The following MCIDAS variants were observed in gnomAD, a reference collection of about 807,000 sequenced individuals.
MCIDAS encodes the protein multicilin.
Under a neutral mutation model 35.4 loss-of-function variants are expected in MCIDAS, and 23 were observed. That is an observed-to-expected ratio of 0.65 (90% CI 0.47 to 0.92). The LOEUF is 0.92. MCIDAS is among the 40% of genes least tolerant of loss of function. The pLI, the probability that MCIDAS is intolerant of heterozygous loss-of-function variation, is 0.00. For missense variants in MCIDAS, 480 were observed against 531.8 expected (o/e 0.90, Z 0.96); for synonymous variants, 228 against 235.2 (o/e 0.97, Z 0.28).
rs1017524478 is a variant in MCIDAS, at chr5:55,223,777, T to G, written c.310-754A>C. Among the ~76,000 whole-genome samples, 6 of 152,184 alleles carry G rather than the reference T, an allele frequency of 3.9e-5. No individual in the cohort carries two copies. Among genetic ancestry groups the G allele is most frequent in the Non-Finnish European group, 4.4e-5 (3 of 68,026 alleles). ...GGGCCAGGAGAATACGGGAAAAGCT[T>G]CTGTTCTGCGCACAGCCAGTGCGGC... On this transcript the variant is annotated intron_variant, in intron 3 of 6. Coordinates refer to ENST00000513312, the MANE Select transcript of MCIDAS (RefSeq NM_001190787.3). This position sits in a 1 kb window ranked among gnomAD's most constrained non-coding sequence, Gnocchi z 4.4.
Position 55,220,762 on chromosome 5 carries a change from C to T in MCIDAS, c.762G>A (p.Glu254=). ...TQSRDCGAAA[E]PFLLKAKAKR... ...TGGCCTTCGCCTTGAGCAGGAAGGG[C>T]TCGGCCGCCGCCCCACAATCCCGGG... Residue 254 remains glutamate, a synonymous_variant, in exon 7 of 7, where the codon GAG becomes GAA. Transcript: ENST00000513312. 1 of 1,533,998 alleles carries T rather than the reference C, an allele frequency of 6.5e-7. No homozygotes were observed. Among genetic ancestry groups the T allele is most frequent in the Non-Finnish European group, 8.7e-7 (1 of 1,145,212 alleles).
chr5:55,226,480 C>T, intron 3 of MCIDAS, 96 bp downstream of exon 3: 1 of 1,289,320 alleles, frequency 7.8e-7, no homozygotes, highest in Non-Finnish European at 1.0e-6. Context: ...GCCTGCGCTC[C>T]CGACCCGAGA....
At position 55,227,040 on chromosome 5, in the gene MCIDAS, C is replaced by T; in HGVS notation, c.99G>A (p.Lys33=). ...LALPGRALLC[K]PGKPERKFAP... Reference sequence around the variant, plus strand: ...CCACCTTCCTCTCCGGCTTCCCCGGCTTGCAGAGCAGCGCCCGGCCCGGCA... The same window carrying T: ...CCACCTTCCTCTCCGGCTTCCCCGGTTTGCAGAGCAGCGCCCGGCCCGGCA... Residue 33 remains lysine (K), a synonymous_variant, in exon 1 of 7, where the codon AAG becomes AAA. Coordinates refer to ENST00000513312, the MANE Select transcript of MCIDAS (RefSeq NM_001190787.3). 1 of 1,519,974 alleles carries T rather than the reference C, an allele frequency of 6.6e-7. No individual in the cohort carries two copies. The highest frequency in any genetic ancestry group is 8.8e-7 in the Non-Finnish European group (1 of 1,140,298). The allele number at this position is 1,519,974 out of a possible 1,614,324, so 94.2% of individuals were successfully genotyped here. A position where few individuals can be genotyped will look rare whatever the true frequency, so the allele number is the denominator to read the frequency against.
At chr5:55,222,884 G>C in intron 4 of MCIDAS, 67 bp downstream of exon 4, 1 of 1,383,732 alleles carries the variant, frequency 7.2e-7, no homozygotes, top group Non-Finnish European at 9.9e-7. Flanking sequence ...CACGAAATCT[G>C]AACTAGTCTG....
chr5:55,226,710 G>A (rs1262489842), intron 2 of MCIDAS, 43 bp from the exon 3 acceptor site: 12 of 1,436,736 alleles, frequency 8.4e-6, no homozygotes, highest in Non-Finnish European at 1.1e-5. Context: ...CGGGCCCTGA[G>A]CCTCTCCGCC....
intron 3 of MCIDAS, among the ~76,000 whole-genome samples, chr5:55,225,027 C>T (rs961984840): frequency 6.6e-6 from 1 of 152,064 alleles, no homozygotes; most frequent in African/African-American, 2.4e-5. Context: ...TGGCGAATCC[C>T]CATCTGTACA....
In MCIDAS at chr5:55,223,007, G is replaced by A. The variant is rs1484403354; in HGVS notation, c.326C>T (p.Thr109Met). Residue 109 changes from threonine (T) to methionine (M), a missense_variant, in exon 4 of 7, where the codon ACG becomes ATG. Physicochemically the swap from Thr to Met is moderately conservative, Grantham distance 81 (BLOSUM62 -1). Transcript: ENST00000513312. This position sits in a 1 kb window ranked among gnomAD's most constrained non-coding sequence, Gnocchi z 4.4. Reference sequence around the variant, plus strand: ...ATCTTGCAGATTGAAGTCTGCTTCCGTTTGGTGGGAATGGTTCTGAAAAAA... The same window carrying A: ...ATCTTGCAGATTGAAGTCTGCTTCCATTTGGTGGGAATGGTTCTGAAAAAA... ...LAASQNHSHQ[T>M]EADFNLQDFR... 11 of 1,536,112 alleles carry A rather than the reference G, an allele frequency of 7.2e-6. No individual in the cohort carries two copies. Among genetic ancestry groups the A allele is most frequent in the Admixed American group, 2.0e-5 (1 of 50,998 alleles).
intron 5 of MCIDAS, among the ~76,000 whole-genome samples, chr5:55,221,687 G>T (rs1251154273): frequency 6.6e-6 from 1 of 152,166 alleles, no homozygotes; most frequent in Non-Finnish European, 1.5e-5. Flanking sequence ...GCACTTTGGG[G>T]GTTGAGGCAG....
Position 55,226,863 on chromosome 5 carries a change from G to C in MCIDAS, c.189C>G (p.Pro63=). The change falls in exon 2 of 7, where the codon CCC becomes CCG. Residue 63 remains proline (P), a synonymous_variant. Coordinates refer to ENST00000513312, the MANE Select transcript of MCIDAS (RefSeq NM_001190787.3). ...GGSPVSVYED[P]PDAEPTALPA... is the part of the protein sequence containing the mutation. ...GCAGCGCTGTGGGCTCGGCGTCCGG[G>C]GGATCCTCGTACACCGACACCGGGC... is the stretch of plus-strand genomic sequence containing the variant. 7.2e-7 allele frequency: 1 copy of C among 1,390,676 alleles called. No individual in the cohort carries two copies. The allele number at this position is 1,390,676 out of a possible 1,614,324, so 86.1% of individuals were successfully genotyped here.
chr5:55,226,543 G>C (rs1287636035), intron 3 of MCIDAS, 33 bp downstream of exon 3: 3 of 1,525,060 alleles, frequency 2.0e-6, no homozygotes, highest in Non-Finnish European at 2.6e-6. Context: ...TGGGTTGCGT[G>C]AAACCACGAG....
Position 55,227,199 on chromosome 5 carries a change from T to C in MCIDAS, c.-61A>G. 1 of 1,398,824 alleles carries C rather than the reference T, an allele frequency of 7.1e-7. No homozygotes were observed. Among genetic ancestry groups the C allele is most frequent in the Non-Finnish European group, 9.2e-7 (1 of 1,085,904 alleles). The allele number at this position is 1,398,824 out of a possible 1,614,324, so 86.7% of individuals were successfully genotyped here. ...GCGGCGGCCCGGGCTGGGGCAGCGA[T>C]CCACACCCTGCACTCCCTTCAGTGC... On this transcript the variant is annotated 5_prime_UTR_variant, in exon 1 of 7. Transcript: ENST00000513312.
chr5:55,220,795 G>A lies in MCIDAS; in HGVS notation c.729C>T (p.Ile243=). ...CCGCCCCACAATCCCGGGACTGTGT[G>A]ATCATCAGCTTCTACGAAAGACAGG... is the stretch of plus-strand genomic sequence containing the variant. The part of the protein sequence containing the change: ...HLASVLDKLM[I]TQSRDCGAAA... The change falls in exon 7 of 7, where the codon ATC becomes ATT. Residue 243 remains isoleucine, a synonymous_variant. Coordinates refer to ENST00000513312, the MANE Select transcript of MCIDAS (RefSeq NM_001190787.3). 6.6e-7 allele frequency: 1 copy of A among 1,525,450 alleles called. No individual in the cohort carries two copies. The highest frequency in any genetic ancestry group is 8.8e-7 in the Non-Finnish European group (1 of 1,138,640). The allele number at this position is 1,525,450 out of a possible 1,614,324, so 94.5% of individuals were successfully genotyped here. A position where few individuals can be genotyped will look rare whatever the true frequency, so the allele number is the denominator to read the frequency against.
rs1196634376 is a variant in MCIDAS, at chr5:55,220,336, G to A, written c.*30C>T. 3 of 1,511,938 alleles carry A rather than the reference G, an allele frequency of 2.0e-6. No homozygotes were observed. The East Asian group carries it at 7.4e-5, about 37-fold the overall frequency. 93.7% of individuals were successfully genotyped at this position (1,511,938 alleles called of 1,614,324 possible). ...CCCCAGGCACTTCAGTGGAAACACA[G>A]GGCAGTGTTTTGGGGGACCACATCA... On this transcript the variant is annotated 3_prime_UTR_variant, in exon 7 of 7. Coordinates refer to ENST00000513312, the MANE Select transcript of MCIDAS (RefSeq NM_001190787.3).
In MCIDAS at chr5:55,226,616, C is replaced by A; in HGVS notation, c.269G>T (p.Gly90Val). Residue 90 changes from glycine (G) to valine (V), a missense_variant, in exon 3 of 7, where the codon GGG becomes GTG. Physicochemically the swap from Gly to Val is moderately radical, Grantham distance 109. Transcript: ENST00000513312. ...GTCACCACCAGGCGGCGCGTCGGAC[C>A]CGAGTAGCGAAGAGCAGTCAGCGAG... is the stretch of plus-strand genomic sequence containing the variant. The part of the protein sequence containing the change: ...QDLADCSSLL[G>V]SDAPPGGDLA... The A allele has an allele frequency of 1.3e-6, 2 of 1,532,718 alleles. No homozygotes were observed. The highest frequency in any genetic ancestry group is 1.7e-6 in the Non-Finnish European group (2 of 1,145,424). 94.9% of individuals were successfully genotyped at this position (1,532,718 alleles called of 1,614,324 possible). A position where few individuals can be genotyped will look rare whatever the true frequency, so the allele number is the denominator to read the frequency against.
intron 5 of MCIDAS, among the ~76,000 whole-genome samples, 178 bp downstream of exon 5, chr5:55,221,998 C>G (rs1745366424): frequency 1.3e-5 from 2 of 151,848 alleles, no homozygotes; most frequent in South Asian, 4.2e-4. Flanking sequence ...AGAATTATTC[C>G]CACTTAACCA....
rs139670122 is a variant in MCIDAS, at chr5:55,227,297, G to A, written c.-159C>T. On this transcript the variant is annotated 5_prime_UTR_variant, in exon 1 of 7. Transcript: ENST00000513312. ...GAAGGAGCCGAGGGGCTGCCGAGGA[G>A]GTGCTGAGAGATGGCGGGGGAGGGG... is the stretch of plus-strand genomic sequence containing the variant. The A allele has an allele frequency of 8.3e-4, 836 of 1,006,502 alleles. 6 individuals carry two copies. In the African/African-American group the frequency reaches 0.013, roughly 15 times the overall value. 62.3% of individuals were successfully genotyped at this position (1,006,502 alleles called of 1,614,324 possible). A position where few individuals can be genotyped will look rare whatever the true frequency, so the allele number is the denominator to read the frequency against.
chr5:55,220,131 T>C lies in MCIDAS; in HGVS notation c.*235A>G. 4.4e-6 allele frequency: 2 copies of C among 453,344 alleles called. No individual in the cohort carries two copies. Among genetic ancestry groups the C allele is most frequent in the Admixed American group, 3.8e-5 (1 of 26,136 alleles). 28.1% of individuals were successfully genotyped at this position (453,344 alleles called of 1,614,324 possible). A position where few individuals can be genotyped will look rare whatever the true frequency, so the allele number is the denominator to read the frequency against. On this transcript the variant is annotated 3_prime_UTR_variant, in exon 7 of 7. Coordinates refer to ENST00000513312, the MANE Select transcript of MCIDAS (RefSeq NM_001190787.3). ...TCAAAGCTGCTAAAAATAAATACTT[T>C]TAAAATTGGCTGTGACATATGTGAC...
chr5:55,221,311 C>G (rs1745353366), intron 5 of MCIDAS, among the ~76,000 whole-genome samples, 185 bp from the exon 6 acceptor site: 3 of 151,996 alleles, frequency 2.0e-5, no homozygotes, highest in Admixed American at 1.3e-4. Flanking sequence ...CAAAATTTAT[C>G]TCCATTAATC....
rs946482363 is a variant in MCIDAS at position 55,223,454 on chromosome 5, G to A, written c.310-431C>T. ...TCCACCGGCGGTGCGGCGGCCCTGCGCCGGCTCCGGGCAGCCGAGTAGCCC... is the reference window on the plus strand; with the variant it reads ...TCCACCGGCGGTGCGGCGGCCCTGCACCGGCTCCGGGCAGCCGAGTAGCCC... On this transcript the variant is annotated intron_variant, in intron 3 of 6. Transcript: ENST00000513312. This position sits in a 1 kb window ranked among gnomAD's most constrained non-coding sequence, Gnocchi z 4.4. Among the ~76,000 whole-genome samples the A allele has an allele frequency of 3.9e-5, 6 of 152,184 alleles. No homozygotes were observed. Among genetic ancestry groups the A allele is most frequent in the African/African-American group, 1.4e-4 (6 of 41,450 alleles).
Sources: gnomAD v4.1 joint callset for allele counts (sites outside exome capture counted in the v4.1 genomes callset) on GRCh38, gnomAD v4.1.1 for gene constraint, Gnocchi (gnomAD v3.1) non-coding constraint, MANE v1.5 for transcripts, NCBI Gene and HGNC (gene_info 2026-07-23, HGNC 2026-07-21) for gene names.